The following ASNS variants were observed in gnomAD, a reference collection of about 807,000 sequenced individuals.
ASNS encodes asparagine synthetase (glutamine-hydrolyzing).
A neutral mutation model predicts 62.6 loss-of-function variants in ASNS; 37 were observed. That is an observed-to-expected ratio of 0.59 (90% CI 0.45 to 0.78). The LOEUF (loss-of-function observed/expected upper bound fraction) is 0.78, where lower values mean the gene tolerates loss of function less well. Ranked by LOEUF, ASNS falls within the 30% of genes least tolerant of loss-of-function variation. The pLI is 0.00. For synonymous variants in ASNS, 207 were observed against 237.9 expected (o/e 0.87, Z 1.19); for missense variants, 520 against 682.4 (o/e 0.76, Z 2.65).
At chr7:97,918,134 C>T in the ASNS span, among the ~76,000 whole-genome samples, 2 of 152,144 alleles carry the variant, frequency 1.3e-5, no homozygotes, top group Non-Finnish European at 2.9e-5. Flanking sequence ...CAGGTAGGGG[C>T]TGGACCCCCC....
chr7:97,898,706 C>T, the ASNS span: 4 of 654,546 alleles, frequency 6.1e-6, no homozygotes, highest in Non-Finnish European at 1.1e-5. Flanking sequence ...AAAACCAACA[C>T]AAAACAGATG....
In ASNS at chr7:97,856,686, T is replaced by C. The variant is rs2115628921; in HGVS notation, c.1030+4A>G. On this transcript the variant is annotated splice_donor_region_variant and intron_variant, in intron 8 of 12. Coordinates refer to ENST00000394308, the MANE Select transcript of ASNS (RefSeq NM_001673.5). The stretch of plus-strand genomic sequence containing the variant: ...TTTTATTTAAGAATATCATAATACC[T>C]TACCTACTGAAGCACGAACTGTTGT... 1.9e-6 allele frequency: 3 copies of C among 1,596,944 alleles called. No individual in the cohort carries two copies. The highest frequency in any genetic ancestry group is 3.6e-5 in the Admixed American group (2 of 56,178).
At chr7:97,883,329 C>T in the ASNS span, among the ~76,000 whole-genome samples, 1 of 152,100 alleles carries the variant, frequency 6.6e-6, no homozygotes. Context: ...CACAAACATT[C>T]CTCTTCACAA....
At chr7:97,925,717 C>T in the ASNS span, among the ~76,000 whole-genome samples, 1 of 152,318 alleles carries the variant, frequency 6.6e-6, no homozygotes, top group South Asian at 2.1e-4. Flanking sequence ...GATGCTTTTA[C>T]CTGGTGCGTT....
intron 4 of ASNS, chr7:97,863,113 C>T (rs946752221): frequency 3.9e-5 from 6 of 152,168 alleles, no homozygotes; most frequent in African/African-American, 1.4e-4. Flanking sequence ...TATCATGTGT[C>T]CCAGCAATTC....
the ASNS span, among the ~76,000 whole-genome samples, chr7:97,903,398 T>G: frequency 4.5e-4 from 68 of 152,160 alleles, 1 homozygote; most frequent in Admixed American, 1.3e-4. Context: ...CATGGGAATT[T>G]TGTACACACC....
At chr7:97,897,316 C>CAA in the ASNS span, among the ~76,000 whole-genome samples, 1 of 152,160 alleles carries the variant, frequency 6.6e-6, no homozygotes, top group African/African-American at 2.4e-5. Flanking sequence ...ACAACCTAGG[C>CAA]AATACCATCC....
chr7:97,900,380 A>AC, the ASNS span, among the ~76,000 whole-genome samples: 5 of 143,830 alleles, frequency 3.5e-5, no homozygotes, highest in Admixed American at 7.0e-5. Context: ...AAAAAAAAAA[A>AC]AAAACAGAAA....
intron 1 of ASNS, among the ~76,000 whole-genome samples, chr7:97,870,618 C>G (rs919663579): frequency 2.6e-5 from 4 of 152,074 alleles, no homozygotes; most frequent in African/African-American, 9.7e-5. Flanking sequence ...ACCAAATAGC[C>G]CAAATAGCCT....
the ASNS span, among the ~76,000 whole-genome samples, chr7:97,896,646 G>GTATA: frequency 8.2e-6 from 1 of 121,738 alleles, no homozygotes; most frequent in Non-Finnish European, 1.7e-5. Flanking sequence ...ATATATATAT[G>GTATA]TGTATATATA....
upstream of ASNS, among the ~76,000 whole-genome samples, chr7:97,874,030 G>A (rs759569394): frequency 9.9e-5 from 15 of 152,236 alleles, no homozygotes; most frequent in Non-Finnish European, 1.9e-4. Context: ...AGTTTATTAG[G>A]TGGGAATTTT....
the ASNS span, among the ~76,000 whole-genome samples, chr7:97,883,670 TC>T: frequency 6.6e-6 from 1 of 152,092 alleles, no homozygotes. Flanking sequence ...TTTCAATGGC[TC>T]CCTCTGCTGT....
Position 97,854,441 on chromosome 7 carries a change from T to C in ASNS, c.1238+139A>G. ...CATTTTCTCTATAAAAGTCACACTTTGTAACATATAGCCAACTATATGTAA... is the reference window on the plus strand; with the variant it reads ...CATTTTCTCTATAAAAGTCACACTTCGTAACATATAGCCAACTATATGTAA... On this transcript the variant is annotated intron_variant, in intron 10 of 12. Transcript: ENST00000394308. The C allele has an allele frequency of 4.8e-6, 5 of 1,033,006 alleles. No individual in the cohort carries two copies. In the South Asian group the frequency reaches 8.5e-5, roughly 18 times the overall value. 64.0% of individuals were successfully genotyped at this position (1,033,006 alleles called of 1,614,324 possible). A position where few individuals can be genotyped will look rare whatever the true frequency, so the allele number is the denominator to read the frequency against.
At chr7:97,865,844 C>A (rs150713157) in intron 3 of ASNS, among the ~76,000 whole-genome samples, 3 of 152,114 alleles carry the variant, frequency 2.0e-5, no homozygotes, top group Non-Finnish European at 2.9e-5. Flanking sequence ...CCTTTGTGGG[C>A]GTGCTTGCAT....
Position 97,853,095 on chromosome 7 carries a change from A to C in ASNS, c.1441T>G (p.Trp481Gly). ...SDGITSVKNS[W>G]FKILQEYVEH... ...ACGTATTCCTGTAAAATCTTAAACC[A>C]GGAATTCTTAACTGAAGTTATTCCA... Residue 481 changes from tryptophan (W) to glycine (G), a missense_variant, in exon 12 of 13, where the codon TGG becomes GGG. Coordinates refer to ENST00000394308, the MANE Select transcript of ASNS (RefSeq NM_001673.5). 6.3e-7 allele frequency: 1 copy of C among 1,596,112 alleles called. No individual in the cohort carries two copies. The highest frequency in any genetic ancestry group is 8.5e-7 in the Non-Finnish European group (1 of 1,174,356).
the ASNS span, chr7:97,908,727 A>G: frequency 1.3e-5 from 2 of 152,210 alleles, no homozygotes; most frequent in Non-Finnish European, 2.9e-5. Context: ...TTTTTAAAAC[A>G]CAACATTTAA....
chr7:97,909,785 C>T, the ASNS span, among the ~76,000 whole-genome samples: 1 of 152,160 alleles, frequency 6.6e-6, no homozygotes, highest in East Asian at 1.9e-4. Context: ...GGCTCCATTT[C>T]AGGGCAAGAC....
chr7:97,885,559 T>G, the ASNS span, among the ~76,000 whole-genome samples: 1 of 152,208 alleles, frequency 6.6e-6, no homozygotes, highest in Non-Finnish European at 1.5e-5. Context: ...TTCAGAGCAA[T>G]TCACATTGAC....
the ASNS span, among the ~76,000 whole-genome samples, chr7:97,918,255 C>T: frequency 6.6e-6 from 1 of 150,564 alleles, no homozygotes; most frequent in South Asian, 2.1e-4. Context: ...CTTGGGGAGC[C>T]GGATGACTGG....
Sources: gnomAD v4.1 joint callset for allele counts (sites outside exome capture counted in the v4.1 genomes callset) on GRCh38, gnomAD v4.1.1 for gene constraint, MANE v1.5 for transcripts, NCBI Gene and HGNC (gene_info 2026-07-23, HGNC 2026-07-21) for gene names.